The following CRADD variants were observed in gnomAD, a reference collection of about 807,000 sequenced individuals.
CRADD encodes the protein death domain-containing protein CRADD.
Under a neutral mutation model 15.5 loss-of-function variants are expected in CRADD, and 9 were observed. That is an observed-to-expected ratio of 0.58 (90% CI 0.35 to 1.01). CRADD has a LOEUF of 1.01. CRADD is among the 50% of genes least tolerant of loss of function. The pLI is 0.02. For missense variants in CRADD, 227 were observed against 250.3 expected, an observed-to-expected ratio of 0.91 and a Z score of 0.63; for synonymous variants, 118 against 107.6, an observed-to-expected ratio of 1.10 and a Z score of -0.60.
In CRADD at chr12:93,890,973, T is replaced by C. The variant is rs1033384234; in HGVS notation, c.299-3077T>C. On this transcript the variant is annotated intron_variant, in intron 2 of 2. Coordinates refer to the CRADD transcript ENST00000548483. ...CCTGTTAGCCAGGCTGGTCTCAAACTCCTGGCCTCAAGTGATCCATCTGCC... is the reference window on the plus strand; with the variant it reads ...CCTGTTAGCCAGGCTGGTCTCAAACCCCTGGCCTCAAGTGATCCATCTGCC... Among the ~76,000 whole-genome samples, 22 of 151,780 alleles carry C rather than the reference T, an allele frequency of 1.4e-4. No individual in the cohort carries two copies. The Middle Eastern group carries it at 0.014, about 94-fold the overall frequency.
At chr12:93,714,008 C>G (rs1956120243) in intron 2 of CRADD, among the ~76,000 whole-genome samples, 1 of 152,152 alleles carries the variant, frequency 6.6e-6, no homozygotes, top group Admixed American at 6.5e-5. Context: ...TGACAGCTGC[C>G]TTCAGCTCTT....
chr12:93,886,638 A>T (rs1958539517), intron 2 of CRADD, among the ~76,000 whole-genome samples: 1 of 152,202 alleles, frequency 6.6e-6, no homozygotes, highest in Non-Finnish European at 1.5e-5. Flanking sequence ...ATGTGGGATT[A>T]AGTTTTCCCT....
chr12:93,753,247 A>G (rs993962052), intron 2 of CRADD, among the ~76,000 whole-genome samples: 5 of 151,284 alleles, frequency 3.3e-5, no homozygotes, highest in African/African-American at 4.9e-5. Flanking sequence ...GCACAGGAAA[A>G]ACCCACCTCC....
chr12:93,787,266 C>T (rs975556752), intron 2 of CRADD, among the ~76,000 whole-genome samples: 2 of 131,104 alleles, frequency 1.5e-5, no homozygotes, highest in African/African-American at 3.0e-5. Flanking sequence ...AGTAATTTTT[C>T]GTTAAAAACG....
chr12:93,888,221 C>G (rs571580257), intron 2 of CRADD, among the ~76,000 whole-genome samples: 78 of 152,118 alleles, frequency 5.1e-4, no homozygotes, highest in Middle Eastern at 6.8e-3. Flanking sequence ...GTCAGGAGAT[C>G]GAGACCATCA....
chr12:93,721,695 G>C (rs1297751427), intron 2 of CRADD, among the ~76,000 whole-genome samples: 1 of 152,120 alleles, frequency 6.6e-6, no homozygotes, highest in Non-Finnish European at 1.5e-5. Context: ...GATGTATGTA[G>C]ATTAAAAGCA....
At chr12:93,814,176 C>T (rs1036530213) in intron 2 of CRADD, among the ~76,000 whole-genome samples, 1 of 152,234 alleles carries the variant, frequency 6.6e-6, no homozygotes, top group Non-Finnish European at 1.5e-5. Context: ...TAACTACTGT[C>T]ATTCAAACAG....
At chr12:93,732,451 A>C (rs560933935) in intron 2 of CRADD, among the ~76,000 whole-genome samples, 1 of 152,364 alleles carries the variant, frequency 6.6e-6, no homozygotes, top group South Asian at 2.1e-4. Flanking sequence ...CAACAGAACA[A>C]GGCAACATCT....
intron 2 of CRADD, among the ~76,000 whole-genome samples, chr12:93,724,291 A>T (rs1208514339): frequency 1.3e-5 from 2 of 151,682 alleles, no homozygotes. Flanking sequence ...AGGCGAGAGG[A>T]TCCCTTGAAC....
Position 93,850,119 on chromosome 12 carries a change from G to A in CRADD, c.448G>A (p.Ala150Thr), listed in dbSNP as rs534938507. The change falls in exon 3 of 3, where the codon GCC (alanine) becomes ACC (threonine). Residue 150 changes from alanine (A) to threonine (T), a missense_variant. Transcript: ENST00000332896. The surrounding 1 kb of genome is among the most constrained non-coding windows in gnomAD (Gnocchi z 4.0). ...LSQTDIYRCKANHPHNVQSQV... is the reference protein window; with the variant it reads ...LSQTDIYRCKTNHPHNVQSQV... ...CCAGACGGATATCTACCGCTGTAAG[G>A]CCAACCACCCCCACAACGTGCAGTC... 1 of 1,614,150 alleles carries A rather than the reference G, an allele frequency of 6.2e-7. No individual in the cohort carries two copies. Among genetic ancestry groups the A allele is most frequent in the South Asian group, 1.1e-5 (1 of 91,090 alleles).
At chr12:93,801,513 G>A (rs1199170136) in intron 2 of CRADD, among the ~76,000 whole-genome samples, 2 of 151,922 alleles carry the variant, frequency 1.3e-5, no homozygotes, top group East Asian at 3.9e-4. Context: ...ATTCTCCAGC[G>A]TCAGCCTCCT....
At chr12:93,790,072 G>A (rs1286918759) in intron 2 of CRADD, among the ~76,000 whole-genome samples, 2 of 152,124 alleles carry the variant, frequency 1.3e-5, no homozygotes, top group African/African-American at 2.4e-5. Context: ...TTGTCACTTA[G>A]TACAGTTTTT....
intron 2 of CRADD, among the ~76,000 whole-genome samples, chr12:93,794,068 A>G (rs1957383536): frequency 6.6e-6 from 1 of 152,182 alleles, no homozygotes; most frequent in Non-Finnish European, 1.5e-5. Flanking sequence ...GACTTTCAGC[A>G]GCATTTGATG....
At chr12:93,739,456 G>T (rs944412952) in intron 2 of CRADD, among the ~76,000 whole-genome samples, 1 of 151,004 alleles carries the variant, frequency 6.6e-6, no homozygotes, top group African/African-American at 2.4e-5. Flanking sequence ...AAACTCCTGA[G>T]ATTTAGATTC....
At chr12:93,858,476 T>A (rs1958292572) in intron 2 of CRADD, among the ~76,000 whole-genome samples, 1 of 152,200 alleles carries the variant, frequency 6.6e-6, no homozygotes, top group African/African-American at 2.4e-5. Context: ...AGACTTAGAT[T>A]AAGTTCAACA....
rs189930884 is a variant in CRADD at position 93,874,566 on chromosome 12, T to G, written c.299-19484T>G. ...TTTCCCTCTTTTTTGATGTAAGCAC[T>G]TATAGCTGTAAGTTTCCCTCTTAGT... On this transcript the variant is annotated intron_variant, in intron 2 of 2. Transcript: ENST00000548483. Among the ~76,000 whole-genome samples the G allele has an allele frequency of 9.9e-5, 15 of 152,194 alleles. No individual in the cohort carries two copies. The South Asian group carries it at 1.9e-3, about 19-fold the overall frequency.
At chr12:93,738,461 C>T (rs1340261320) in intron 2 of CRADD, 2 of 702,272 alleles carry the variant, frequency 2.8e-6, no homozygotes, top group East Asian at 2.7e-5. Flanking sequence ...TGAAGTCTAC[C>T]CAGAAGAGCT....
chr12:93,729,347 T>C (rs1956423432), intron 2 of CRADD, among the ~76,000 whole-genome samples: 1 of 152,232 alleles, frequency 6.6e-6, no homozygotes, highest in Non-Finnish European at 1.5e-5. Context: ...TTAATAGCAA[T>C]ATTGTTTATG....
intron 2 of CRADD, among the ~76,000 whole-genome samples, chr12:93,685,265 A>C (rs543263054): frequency 1.1e-4 from 16 of 152,244 alleles, no homozygotes; most frequent in Admixed American, 8.5e-4. Flanking sequence ...AATTGTGGTT[A>C]TTAGGGACTG....
Sources: gnomAD v4.1 joint callset for allele counts (sites outside exome capture counted in the v4.1 genomes callset) on GRCh38, gnomAD v4.1.1 for gene constraint, Gnocchi (gnomAD v3.1) non-coding constraint, MANE v1.5 for transcripts, NCBI Gene and HGNC (gene_info 2026-07-23, HGNC 2026-07-21) for gene names.